The following HTRA3 variants were observed in gnomAD, a reference collection of about 807,000 sequenced individuals.
HTRA3 encodes HtrA serine peptidase 3, also known as serine protease HTRA3.
A neutral mutation model predicts 43.2 loss-of-function variants in HTRA3; 41 were observed. That is an observed-to-expected ratio of 0.95 (90% CI 0.74 to 1.23). The LOEUF is 1.23. Ranked by LOEUF, HTRA3 falls within the 50% of genes most tolerant of loss-of-function variation. The probability of loss-of-function intolerance (pLI) is 0.00; values close to 1 mark genes in which losing one functional copy is unlikely to be tolerated. For synonymous variants in HTRA3, 295 were observed against 287.9 expected, an observed-to-expected ratio of 1.02 and a Z score of -0.25; for missense variants, 628 against 647.1, an observed-to-expected ratio of 0.97 and a Z score of 0.32.
intron 6 of HTRA3, among the ~76,000 whole-genome samples, chr4:8,298,918 C>T (rs573991043): frequency 6.6e-6 from 1 of 152,322 alleles, no homozygotes; most frequent in Non-Finnish European, 1.5e-5. Context: ...GTGAGTCCCC[C>T]GACTTTATTC....
chr4:8,277,876 G>A (rs1163458028), intron 1 of HTRA3, among the ~76,000 whole-genome samples: 1 of 152,240 alleles, frequency 6.6e-6, no homozygotes, highest in African/African-American at 2.4e-5. Context: ...TGGCAGAGGG[G>A]TCTGCTAATT....
intron 1 of HTRA3, among the ~76,000 whole-genome samples, chr4:8,280,821 T>C (rs945129521): frequency 4.6e-5 from 7 of 152,278 alleles, no homozygotes; most frequent in Admixed American, 3.9e-4. Context: ...CTGGTGTGGT[T>C]GGTGCCTGCG....
At chr4:8,285,452 C>T (rs762464604) in intron 2 of HTRA3, among the ~76,000 whole-genome samples, 1 of 152,214 alleles carries the variant, frequency 6.6e-6, no homozygotes, top group Non-Finnish European at 1.5e-5. Flanking sequence ...CCCATCCCTC[C>T]ATGCTTTGTC....
At chr4:8,292,384 G>C (rs1460082224) in intron 5 of HTRA3, 31 bp downstream of exon 5, 2 of 1,599,286 alleles carry the variant, frequency 1.3e-6, no homozygotes, top group Admixed American at 1.7e-5. Flanking sequence ...AAATCTCTCA[G>C]GTTTCTGGGG....
At chr4:8,303,667 G>GT (rs1713736598) in intron 7 of HTRA3, among the ~76,000 whole-genome samples, 1 of 152,130 alleles carries the variant, frequency 6.6e-6, no homozygotes, top group Admixed American at 6.5e-5. Context: ...TTTATCTTTT[G>GT]TTTTCTGTCT....
chr4:8,274,308 C>T (rs955485403), intron 1 of HTRA3, among the ~76,000 whole-genome samples: 2 of 152,234 alleles, frequency 1.3e-5, no homozygotes, highest in African/African-American at 4.8e-5. Flanking sequence ...CCCGGATGTC[C>T]CACCGCCCCT....
chr4:8,304,217 C>G lies in HTRA3; in HGVS notation c.1134C>G (p.Asp378Glu), dbSNP rs140413269. Residue 378 changes from aspartate (D) to glutamate (E), a missense_variant, in exon 8 of 9, where the codon GAC becomes GAG. Transcript: ENST00000307358. ...ATGAGCTGAAGGCCAGCAACCCGGA[C>G]TTCCCAGAGGTCAGCAGTGGAATTT... ...LVDELKASNPDFPEVSSGIYV... is the reference protein window; with the variant it reads ...LVDELKASNPEFPEVSSGIYV... 9.9e-6 allele frequency: 16 copies of G among 1,614,094 alleles called. No individual in the cohort carries two copies. In the African/African-American group the frequency reaches 1.9e-4, roughly 19 times the overall value.
At chr4:8,283,465 G>GTGCAAGC (rs1259604617) in intron 2 of HTRA3, among the ~76,000 whole-genome samples, 1 of 152,212 alleles carries the variant, frequency 6.6e-6, no homozygotes, top group Non-Finnish European at 1.5e-5. Flanking sequence ...ACCTCCCGCT[G>GTGCAAGC]TGCAAGCTGC....
intron 1 of HTRA3, among the ~76,000 whole-genome samples, chr4:8,275,468 A>G (rs779212166): frequency 2.6e-5 from 4 of 152,144 alleles, no homozygotes; most frequent in Non-Finnish European, 5.9e-5. Flanking sequence ...TGAAACCCCC[A>G]TCCTGCATTG....
chr4:8,274,332 T>C (rs1712431599), intron 1 of HTRA3, among the ~76,000 whole-genome samples: 1 of 152,216 alleles, frequency 6.6e-6, no homozygotes, highest in African/African-American at 2.4e-5. Flanking sequence ...CCACCTGCCC[T>C]GGCCACTGTG....
rs547232139 is a variant in HTRA3 at position 8,286,985 on chromosome 4, C to T, written c.708+202C>T. On this transcript the variant is annotated intron_variant, in intron 3 of 8. Transcript: ENST00000307358. This position sits in a 1 kb window ranked among gnomAD's most constrained non-coding sequence, Gnocchi z 4.9. ...CCAGGTCTTTGGACTCCTTGTCCTG[C>T]GCTCCCTGAGCCGCTAGGTGCAGGG... Among the ~76,000 whole-genome samples, 6 of 152,182 alleles carry T rather than the reference C, an allele frequency of 3.9e-5. No individual in the cohort carries two copies. Among genetic ancestry groups the T allele is most frequent in the East Asian group, 1.9e-4 (1 of 5,184 alleles).
At chr4:8,280,126 A>G (rs544338744) in intron 1 of HTRA3, among the ~76,000 whole-genome samples, 1 of 152,068 alleles carries the variant, frequency 6.6e-6, no homozygotes, top group East Asian at 1.9e-4. Context: ...AGAGAGGTGG[A>G]TGATGAGCAG....
chr4:8,291,270 A>G, intron 3 of HTRA3, 100 bp from the exon 4 acceptor site: 2 of 1,035,468 alleles, frequency 1.9e-6, no homozygotes, highest in South Asian at 1.3e-5. Context: ...ACAGATGTGC[A>G]TGCCTTCCCT....
chr4:8,290,637 C>T (rs146173371), intron 3 of HTRA3, among the ~76,000 whole-genome samples: 24 of 152,322 alleles, frequency 1.6e-4, no homozygotes, highest in South Asian at 4.1e-4. Context: ...GTGTGCGCTT[C>T]GGCACCTTCT....
chr4:8,280,195 C>T (rs1712688393), intron 1 of HTRA3, among the ~76,000 whole-genome samples: 1 of 152,140 alleles, frequency 6.6e-6, no homozygotes. Context: ...ATGGTCCCAC[C>T]TGGGGGCTGT....
chr4:8,302,530 C>A lies in HTRA3; in HGVS notation c.1100+19C>A, dbSNP rs1409454335. The A allele has an allele frequency of 6.2e-7, 1 of 1,611,508 alleles. No individual in the cohort carries two copies. Among genetic ancestry groups the A allele is most frequent in the African/African-American group, 1.3e-5 (1 of 74,978 alleles). On this transcript the variant is annotated intron_variant, in intron 7 of 8. Transcript: ENST00000307358. ...CACCAAGGTGAGTGTCTGAAGAGTG[C>A]CATCCCCTGCTACCCCTTCCTCTCA...
At chr4:8,293,433 G>A (rs1008863955) in intron 5 of HTRA3, among the ~76,000 whole-genome samples, 3 of 152,192 alleles carry the variant, frequency 2.0e-5, no homozygotes, top group African/African-American at 4.8e-5. Context: ...TTGACCCAAA[G>A]CTCTGCCCCA....
chr4:8,302,142 C>T (rs1023117852), intron 6 of HTRA3, among the ~76,000 whole-genome samples: 27 of 152,156 alleles, frequency 1.8e-4, no homozygotes, highest in Non-Finnish European at 3.8e-4. Context: ...GAAAGGACAG[C>T]CCCACTGGCC....
Position 8,291,492 on chromosome 4 carries a change from C to A in HTRA3, c.831C>A (p.Ala277=). ...NTVTTGIVST[A]QREGRELGLR... is the part of the protein sequence containing the mutation. ...TGACAACGGGCATCGTCAGCACTGC[C>A]CAGCGGGAGGGCAGGGAGCTGGGCC... The change falls in exon 4 of 9, where the codon GCC becomes GCA. Residue 277 remains alanine (A), a synonymous_variant. Transcript: ENST00000307358. 3.1e-6 allele frequency: 5 copies of A among 1,612,918 alleles called. No homozygotes were observed. Among genetic ancestry groups the A allele is most frequent in the Non-Finnish European group, 4.2e-6 (5 of 1,179,932 alleles).
Sources: gnomAD v4.1 joint callset for allele counts (sites outside exome capture counted in the v4.1 genomes callset) on GRCh38, gnomAD v4.1.1 for gene constraint, Gnocchi (gnomAD v3.1) non-coding constraint, MANE v1.5 for transcripts, NCBI Gene and HGNC (gene_info 2026-07-23, HGNC 2026-07-21) for gene names.